The following LRP6 variants were observed in gnomAD, a reference collection of about 807,000 sequenced individuals.
The protein encoded by LRP6 is low-density lipoprotein receptor-related protein 6.
Under a neutral mutation model 184.1 loss-of-function variants are expected in LRP6, and 43 were observed. The ratio of observed to expected loss-of-function variants is 0.23; its 90% CI spans 0.18 to 0.30. The LOEUF is 0.30. Ranked by LOEUF, LRP6 falls within the 10% of genes least tolerant of loss-of-function variation. LRP6 has a pLI of 1.00. For missense variants in LRP6, 1,571 were observed against 2,005.3 expected (o/e 0.78, Z 4.14); for synonymous variants, 719 against 684.9 (o/e 1.05, Z -0.78).
At chr12:12,157,842 C>T (rs1862636504) in intron 12 of LRP6, among the ~76,000 whole-genome samples, 3 of 152,088 alleles carry the variant, frequency 2.0e-5, no homozygotes, top group African/African-American at 7.2e-5. Context: ...TGTCTATCCA[C>T]CAAGAAATGG....
intron 2 of LRP6, among the ~76,000 whole-genome samples, chr12:12,235,468 G>A (rs1286565382): frequency 6.6e-6 from 1 of 152,084 alleles, no homozygotes; most frequent in Non-Finnish European, 1.5e-5. Flanking sequence ...AGTGGCTCAC[G>A]CCTGTAATCT....
intron 1 of LRP6, among the ~76,000 whole-genome samples, chr12:12,247,908 T>G (rs1865228103): frequency 6.6e-6 from 1 of 152,196 alleles, no homozygotes; most frequent in South Asian, 2.1e-4. Flanking sequence ...TTTCCTTTAT[T>G]AAACTCCTGG....
chr12:12,213,708 C>T (rs964428973), intron 2 of LRP6, among the ~76,000 whole-genome samples: 3 of 151,866 alleles, frequency 2.0e-5, no homozygotes, highest in Non-Finnish European at 2.9e-5. Context: ...TCTTTCCTAA[C>T]GGTAAATTCT....
intron 2 of LRP6, among the ~76,000 whole-genome samples, chr12:12,211,804 T>A (rs1864219571): frequency 6.6e-6 from 1 of 152,194 alleles, no homozygotes; most frequent in Non-Finnish European, 1.5e-5. Context: ...GGTAAACCAC[T>A]ACTAGAAGAT....
intron 1 of LRP6, among the ~76,000 whole-genome samples, chr12:12,245,552 C>T (rs1335290500): frequency 6.6e-6 from 1 of 152,104 alleles, no homozygotes; most frequent in Admixed American, 6.6e-5. Context: ...AAATTTTACA[C>T]TTAACATAAG....
At chr12:12,204,121 C>T (rs1863985133) in intron 2 of LRP6, among the ~76,000 whole-genome samples, 1 of 151,942 alleles carries the variant, frequency 6.6e-6, no homozygotes, top group Non-Finnish European at 1.5e-5. Context: ...TGTGATATAC[C>T]TTTACAGAAC....
Position 12,184,052 on chromosome 12 carries a change from C to G in LRP6, c.904G>C (p.Val302Leu). ...GCSHLCLMSPVKPFYQCACPT... is the reference protein window; with the variant it reads ...GCSHLCLMSPLKPFYQCACPT... ...CAAGCACACTGATAAAAAGGCTTGA[C>G]TGGAGACATCAAACACAAATGGGAA... Residue 302 changes from valine to leucine, a missense_variant, in exon 5 of 23, where the codon GTC becomes CTC. Physicochemically the swap from Val to Leu is conservative, Grantham distance 32 (BLOSUM62 1). Transcript: ENST00000261349. 1 of 1,613,738 alleles carries G rather than the reference C, an allele frequency of 6.2e-7. No individual in the cohort carries two copies. Among genetic ancestry groups the G allele is most frequent in the Non-Finnish European group, 8.5e-7 (1 of 1,179,658 alleles).
chr12:12,131,819 A>G lies in LRP6; in HGVS notation c.3970+2T>C. 6.2e-7 allele frequency: 1 copy of G among 1,612,046 alleles called. No homozygotes were observed. The highest frequency in any genetic ancestry group is 8.5e-7 in the Non-Finnish European group (1 of 1,178,072). On this transcript the variant is annotated splice_donor_variant, in intron 18 of 22. Transcript: ENST00000261349. LOFTEE classifies it high-confidence loss of function. ...GCTGAGGCACTGAAGAATTCTGGAT[A>G]CCTTCACAGTTCTTCTCATCTGATT...
At chr12:12,161,913 G>A (rs997384512) in intron 10 of LRP6, among the ~76,000 whole-genome samples, 1 of 150,112 alleles carries the variant, frequency 6.7e-6, no homozygotes, top group African/African-American at 2.5e-5. Flanking sequence ...ATACCTCTTG[G>A]TATATATACT....
chr12:12,204,098 A>G (rs1185779270), intron 2 of LRP6, among the ~76,000 whole-genome samples: 5 of 152,160 alleles, frequency 3.3e-5, no homozygotes, highest in African/African-American at 1.2e-4. Context: ...AACTGGCATT[A>G]TATACCTCTT....
At chr12:12,171,309 G>T (rs1392930399) in intron 7 of LRP6, among the ~76,000 whole-genome samples, 1 of 152,118 alleles carries the variant, frequency 6.6e-6, no homozygotes, top group East Asian at 1.9e-4. Context: ...CAGGTCAGGA[G>T]ATCAAGACCA....
intron 19 of LRP6, among the ~76,000 whole-genome samples, chr12:12,129,294 A>G (rs960938733): frequency 6.6e-6 from 1 of 151,482 alleles, no homozygotes; most frequent in African/African-American, 2.4e-5. Context: ...ATTTTCAGTG[A>G]CTCTCCACTC....
At position 12,220,964 on chromosome 12, in the gene LRP6, T is replaced by C. The variant is rs147590029; in HGVS notation, c.450-17564A>G. Among the ~76,000 whole-genome samples the C allele has an allele frequency of 1.5e-3, 221 of 152,320 alleles. 1 individual carries two copies. Among genetic ancestry groups the C allele is most frequent in the African/African-American group, 4.9e-3 (202 of 41,574 alleles). On this transcript the variant is annotated intron_variant, in intron 2 of 22. Transcript: ENST00000261349. ...CACTTTAAAGTTCAGATAAAGTAAC[T>C]TCAACCCTTGCTCTGACAAAGTTTC... is the stretch of plus-strand genomic sequence containing the variant.
At chr12:12,240,345 G>A (rs562173641) in intron 2 of LRP6, among the ~76,000 whole-genome samples, 28 of 152,160 alleles carry the variant, frequency 1.8e-4, no homozygotes, top group African/African-American at 5.8e-4. Flanking sequence ...AGGCCGAGGC[G>A]GGCAGATCAT....
At chr12:12,175,184 T>C (rs1863139881) in intron 7 of LRP6, among the ~76,000 whole-genome samples, 1 of 151,806 alleles carries the variant, frequency 6.6e-6, no homozygotes, top group Non-Finnish European at 1.5e-5. Context: ...AGGTCAGGAG[T>C]TCGAGGCCAG....
At chr12:12,254,011 G>C (rs192245314) in intron 1 of LRP6, among the ~76,000 whole-genome samples, 3 of 151,892 alleles carry the variant, frequency 2.0e-5, no homozygotes, top group Non-Finnish European at 2.9e-5. Context: ...GGGTATGGTC[G>C]CACACACCTG....
chr12:12,266,459 T>C (rs1163955118), intron 1 of LRP6, among the ~76,000 whole-genome samples: 1 of 152,048 alleles, frequency 6.6e-6, no homozygotes, highest in Non-Finnish European at 1.5e-5. Context: ...CTCCGATGTG[T>C]CCGGGGAAGG....
intron 2 of LRP6, among the ~76,000 whole-genome samples, chr12:12,204,490 T>C (rs1034978653): frequency 2.6e-5 from 4 of 152,106 alleles, no homozygotes; most frequent in Non-Finnish European, 4.4e-5. Flanking sequence ...ATATGCTAAT[T>C]GTATTGTAGT....
At chr12:12,201,694 C>CA (rs1295397139) in intron 3 of LRP6, among the ~76,000 whole-genome samples, 40 of 152,134 alleles carry the variant, frequency 2.6e-4, no homozygotes, top group African/African-American at 8.7e-4. Context: ...AAAACAAAAA[C>CA]AAAAAAACTA....
Sources: gnomAD v4.1 joint callset for allele counts (sites outside exome capture counted in the v4.1 genomes callset) on GRCh38, gnomAD v4.1.1 for gene constraint, MANE v1.5 for transcripts, NCBI Gene and HGNC (gene_info 2026-07-23, HGNC 2026-07-21) for gene names.